Variants in SH2B3 observed in about 807,000 individuals in gnomAD.
SH2B3 encodes SH2B adapter protein 3.
A neutral mutation model predicts 51.9 loss-of-function variants in SH2B3; 43 were observed. That is an observed-to-expected ratio of 0.83 (90% confidence interval 0.65 to 1.07). SH2B3 has a LOEUF of 1.07. Among genes scored for constraint, SH2B3 ranks in the 50% least tolerant of loss-of-function variants. The probability of loss-of-function intolerance (pLI) is 0.00; values close to 1 mark genes in which losing one functional copy is unlikely to be tolerated. For synonymous variants in SH2B3, 396 were observed against 376.0 expected, an observed-to-expected ratio of 1.05 and a Z score of -0.62; for missense variants, 952 against 834.3, an observed-to-expected ratio of 1.14 and a Z score of -1.74.
chr12:111,420,872 A>T (rs549249821), intron 2 of SH2B3, among the ~76,000 whole-genome samples: 2 of 152,296 alleles, frequency 1.3e-5, no homozygotes, highest in South Asian at 4.1e-4. Flanking sequence ...GGTTTGGGAG[A>T]GTCATCCAAG....
At chr12:111,428,935 C>T (rs370012793) in intron 2 of SH2B3, among the ~76,000 whole-genome samples, 1 of 151,878 alleles carries the variant, frequency 6.6e-6, no homozygotes, top group East Asian at 2.0e-4. Flanking sequence ...CACCCCCATG[C>T]CTCCGGGTGT....
In SH2B3 at chr12:111,447,680, C is replaced by T. The variant is rs925290350; in HGVS notation, c.1261C>T (p.Arg421Trp). The T allele has an allele frequency of 6.2e-6, 10 of 1,612,848 alleles. No individual in the cohort carries two copies. The highest frequency in any genetic ancestry group is 4.5e-5 in the East Asian group (2 of 44,866). The part of the protein sequence containing the change: ...AKHLRLSLTE[R>W]GQCRVQHLHF... ...GCACCTGCGCCTGTCGCTGACAGAG[C>T]GGGGCCAGTGCCGTGTGCAGCACCT... The change falls in exon 7 of 8, where the codon CGG becomes TGG. Residue 421 changes from arginine (R) to tryptophan (W), a missense_variant. Physicochemically the swap from Arg to Trp is moderately radical, Grantham distance 101. Transcript: ENST00000341259.
intron 2 of SH2B3, among the ~76,000 whole-genome samples, chr12:111,433,401 C>T (rs1185624702): frequency 6.6e-6 from 1 of 152,158 alleles, no homozygotes; most frequent in Non-Finnish European, 1.5e-5. Context: ...AACCTGTTTT[C>T]TGAAGCAACT....
At position 111,409,315 on chromosome 12, in the gene SH2B3, C is replaced by T. The variant is rs975460230; in HGVS notation, c.-28+3038C>T. On this transcript the variant is annotated intron_variant, in intron 1 of 7. Coordinates refer to ENST00000341259, the MANE Select transcript of SH2B3 (RefSeq NM_005475.3). This position sits in a 1 kb window ranked among gnomAD's most constrained non-coding sequence, Gnocchi z 4.0. ...TGGTTTTGAGAAAAGGAGGCATGCA[C>T]AGTGCCCGGCATGCAATTGGCACTC... Among the ~76,000 whole-genome samples, 2 of 152,214 alleles carry T rather than the reference C, an allele frequency of 1.3e-5. No individual in the cohort carries two copies. Among genetic ancestry groups the T allele is most frequent in the East Asian group, 3.9e-4 (2 of 5,192 alleles).
intron 1 of SH2B3, among the ~76,000 whole-genome samples, chr12:111,413,364 C>T (rs1870845875): frequency 6.6e-6 from 1 of 152,198 alleles, no homozygotes; most frequent in Admixed American, 6.5e-5. Context: ...TGTGCCACTG[C>T]ACTCCAGCCT....
chr12:111,426,164 T>C (rs569085019), intron 2 of SH2B3, among the ~76,000 whole-genome samples: 3 of 152,238 alleles, frequency 2.0e-5, no homozygotes, highest in East Asian at 3.9e-4. Context: ...CTCTGCATGG[T>C]GTTCCTTCCT....
rs75062686 is a variant in SH2B3, at chr12:111,435,859, G to T, written c.733-10894G>T. Among the ~76,000 whole-genome samples, 1,618 of 152,338 alleles carry T rather than the reference G, an allele frequency of 0.011. 95 individuals are homozygous for T. In the South Asian group the frequency reaches 0.15, roughly 14 times the overall value. On this transcript the variant is annotated intron_variant, in intron 2 of 7. Transcript: ENST00000341259. This position sits in a 1 kb window ranked among gnomAD's most constrained non-coding sequence, Gnocchi z 4.8. ...GGCTGGCCACAGTGGGGGCAGGAAG[G>T]ATTCCTATGGGGACAGCTGGGAGCA...
intron 2 of SH2B3, among the ~76,000 whole-genome samples, chr12:111,422,114 C>T (rs1466927701): frequency 6.6e-6 from 1 of 152,232 alleles, no homozygotes; most frequent in Non-Finnish European, 1.5e-5. Flanking sequence ...GAGTCTCGCT[C>T]TGTTGCCCAG....
In SH2B3 at chr12:111,419,847, C is replaced by T. The variant is rs182537543; in HGVS notation, c.732+970C>T. Among the ~76,000 whole-genome samples the T allele has an allele frequency of 3.3e-5, 5 of 152,316 alleles. No individual in the cohort carries two copies. The East Asian group carries it at 5.8e-4, about 18-fold the overall frequency. Reference sequence around the variant, plus strand: ...TTCCTCTAATGTCCCTTTTCTGTTCCAGCTCGCCCCCCAGGATACCACATG... The same window carrying T: ...TTCCTCTAATGTCCCTTTTCTGTTCTAGCTCGCCCCCCAGGATACCACATG... On this transcript the variant is annotated intron_variant, in intron 2 of 7. Coordinates refer to ENST00000341259, the MANE Select transcript of SH2B3 (RefSeq NM_005475.3).
chr12:111,421,944 A>G (rs1871595149), intron 2 of SH2B3, among the ~76,000 whole-genome samples: 2 of 152,226 alleles, frequency 1.3e-5, no homozygotes, highest in South Asian at 2.1e-4. Flanking sequence ...GAGTAGGTAC[A>G]TGTTTACTTT....
intron 2 of SH2B3, among the ~76,000 whole-genome samples, chr12:111,421,680 G>A (rs989497160): frequency 1.3e-5 from 2 of 152,100 alleles, no homozygotes; most frequent in African/African-American, 4.8e-5. Flanking sequence ...GCCTCCCAAA[G>A]TGCTATGATT....
chr12:111,422,396 T>C (rs1008317626), intron 2 of SH2B3, among the ~76,000 whole-genome samples: 1 of 152,232 alleles, frequency 6.6e-6, no homozygotes, highest in African/African-American at 2.4e-5. Flanking sequence ...TTTTCATATG[T>C]TGATTGGTCA....
rs1417301777 is a variant in SH2B3 at position 111,409,820 on chromosome 12, C to T, written c.-28+3543C>T. Among the ~76,000 whole-genome samples the T allele has an allele frequency of 6.6e-6, 1 of 152,186 alleles. No individual in the cohort carries two copies. The highest frequency in any genetic ancestry group is 1.5e-5 in the Non-Finnish European group (1 of 68,016). On this transcript the variant is annotated intron_variant, in intron 1 of 7. Coordinates refer to ENST00000341259, the MANE Select transcript of SH2B3 (RefSeq NM_005475.3). The surrounding 1 kb of genome is among the most constrained non-coding windows in gnomAD (Gnocchi z 4.0). Reference sequence around the variant, plus strand: ...TACCAGGGCTCCAGGGTTCTGCTGGCCACCACTAGCCATCCTTCCTCCCAG... The same window carrying T: ...TACCAGGGCTCCAGGGTTCTGCTGGTCACCACTAGCCATCCTTCCTCCCAG...
At chr12:111,414,538 C>T (rs554642591) in intron 1 of SH2B3, among the ~76,000 whole-genome samples, 59 of 151,228 alleles carry the variant, frequency 3.9e-4, no homozygotes, top group African/African-American at 1.3e-3. Context: ...TGCGGTGAGC[C>T]ATGATTATGC....
chr12:111,407,513 G>A lies in SH2B3; in HGVS notation c.-28+1236G>A, dbSNP rs529863891. Among the ~76,000 whole-genome samples, 1 of 152,218 alleles carries A rather than the reference G, an allele frequency of 6.6e-6. No individual in the cohort carries two copies. Among genetic ancestry groups the A allele is most frequent in the Admixed American group, 6.5e-5 (1 of 15,284 alleles). On this transcript the variant is annotated intron_variant, in intron 1 of 7. Coordinates refer to ENST00000341259, the MANE Select transcript of SH2B3 (RefSeq NM_005475.3). This position sits in a 1 kb window ranked among gnomAD's most constrained non-coding sequence, Gnocchi z 4.3. ...CATCACTGACCTGGCTGCCTGAGTGGAAACAGCTCTGGAGGCTCCTCGGGA... is the reference window on the plus strand; with the variant it reads ...CATCACTGACCTGGCTGCCTGAGTGAAAACAGCTCTGGAGGCTCCTCGGGA...
chr12:111,434,491 A>G (rs373932299), intron 2 of SH2B3, among the ~76,000 whole-genome samples: 240 of 152,286 alleles, frequency 1.6e-3, no homozygotes, highest in African/African-American at 5.6e-3. Context: ...CACGGCACGG[A>G]TATTAGCTCT....
chr12:111,411,503 G>A (rs1870694410), intron 1 of SH2B3, among the ~76,000 whole-genome samples: 1 of 152,158 alleles, frequency 6.6e-6, no homozygotes, highest in African/African-American at 2.4e-5. Context: ...AGATAGAGGA[G>A]AGGCTGAGAA....
chr12:111,447,546 T>TATGGGGTGGG lies in SH2B3; in HGVS notation c.1236+3_1236+12dup. 1 of 650,212 alleles carries TATGGGGTGGG rather than the reference T, an allele frequency of 1.5e-6. No homozygotes were observed. The highest frequency in any genetic ancestry group is 2.3e-6 in the Non-Finnish European group (1 of 432,924). 40.3% of individuals were successfully genotyped at this position (650,212 alleles called of 1,614,324 possible). A position where few individuals can be genotyped will look rare whatever the true frequency, so the allele number is the denominator to read the frequency against. On this transcript the variant is annotated splice_region_variant and intron_variant, in intron 6 of 7. Transcript: ENST00000341259. ...TTCAACTTTCAGGGGATAGCCAAGGTATGGGGTGGGGTGGGGTGGGGTGGG... is the reference window on the plus strand; with the variant it reads ...TTCAACTTTCAGGGGATAGCCAAGGTATGGGGTGGGATGGGGTGGGGTGGGGTGGGGTGGG...
chr12:111,409,427 G>A lies in SH2B3; in HGVS notation c.-28+3150G>A, dbSNP rs1200749633. Among the ~76,000 whole-genome samples, 2 of 152,206 alleles carry A rather than the reference G, an allele frequency of 1.3e-5. No homozygotes were observed. The highest frequency in any genetic ancestry group is 2.4e-5 in the African/African-American group (1 of 41,444). ...CTGGGAAAACGGTCCCCAAGGGCCC[G>A]CGGGCGTTCAGCATCTTTGACGAGG... On this transcript the variant is annotated intron_variant, in intron 1 of 7. Coordinates refer to ENST00000341259, the MANE Select transcript of SH2B3 (RefSeq NM_005475.3). This position sits in a 1 kb window ranked among gnomAD's most constrained non-coding sequence, Gnocchi z 4.0.
Sources: allele counts gnomAD v4.1 joint callset (sites outside exome capture counted in the v4.1 genomes callset), GRCh38; gene constraint gnomAD v4.1.1; non-coding constraint Gnocchi (gnomAD v3.1); transcripts MANE v1.5; gene names NCBI Gene and HGNC (gene_info 2026-07-23, HGNC 2026-07-21).